Variants in GVQW3 observed in about 807,000 individuals in gnomAD.
The protein encoded by GVQW3 is GVQW motif containing 3.
Under a neutral mutation model 12.5 loss-of-function variants are expected in GVQW3, and 7 were observed. The observed-to-expected ratio is 0.56, with a 90% CI of 0.32 to 1.05. The LOEUF (loss-of-function observed/expected upper bound fraction) is 1.05, where lower values mean the gene tolerates loss of function less well. Ranked by LOEUF, GVQW3 falls within the 50% of genes least tolerant of loss-of-function variation. The pLI, the probability that GVQW3 is intolerant of heterozygous loss-of-function variation, is 0.04. For missense variants in GVQW3, 188 were observed against 190.8 expected (o/e 0.99, Z 0.09); for synonymous variants, 71 against 67.2 (o/e 1.06, Z -0.28).
Position 76,404,338 on chromosome 11 carries a change from T to C in GVQW3, c.*580T>C, listed in dbSNP as rs1227461880. ...ATAGAACTTTAAGTGCGGAAATAGG[T>C]TTTGTGTTCAATCTGCTTCTCTATA... On this transcript the variant is annotated 3_prime_UTR_variant, in exon 2 of 2. Coordinates refer to ENST00000529331, the MANE Select transcript of GVQW3 (RefSeq NM_001347885.2). The C allele has an allele frequency of 4.6e-6, 1 of 217,470 alleles. No homozygotes were observed. The highest frequency in any genetic ancestry group is 9.0e-6 in the Non-Finnish European group (1 of 111,338). 13.5% of individuals were successfully genotyped at this position (217,470 alleles called of 1,614,324 possible).
Position 76,382,293 on chromosome 11 carries a change from G to A in GVQW3, c.465G>A (p.Lys155=), listed in dbSNP as rs1366996950. Residue 155 remains lysine, a splice_region_variant and synonymous_variant, in exon 1 of 2, where the codon AAG becomes AAA. Coordinates refer to ENST00000529331, the MANE Select transcript of GVQW3 (RefSeq NM_001347885.2). The stretch of plus-strand genomic sequence containing the variant: ...AAAATAGCTCATGTTTGAGGAAAAA[G>A]GTAACAGGTTCTGAAACATGGAGTT... ...TRKNSSCLRK[K]RRNLTMLPRL... 2 of 1,499,928 alleles carry A rather than the reference G, an allele frequency of 1.3e-6. No homozygotes were observed. Among genetic ancestry groups the A allele is most frequent in the Non-Finnish European group, 1.8e-6 (2 of 1,114,240 alleles). The allele number at this position is 1,499,928 out of a possible 1,614,324, so 92.9% of individuals were successfully genotyped here.
At chr11:76,384,239 T>C (rs148188238) in intron 1 of GVQW3, among the ~76,000 whole-genome samples, 47 of 152,372 alleles carry the variant, frequency 3.1e-4, no homozygotes, top group African/African-American at 1.1e-3. Context: ...ACAACACTCA[T>C]TCATCACAGT....
chr11:76,385,448 C>T (rs561998343), intron 1 of GVQW3, among the ~76,000 whole-genome samples: 4 of 152,318 alleles, frequency 2.6e-5, no homozygotes, highest in African/African-American at 9.6e-5. Context: ...TCCGTCACAC[C>T]CCAGGCTCTT....
rs372467371 is a variant in GVQW3, at chr11:76,406,679, AAAAG to A, written c.*2925_*2928del. ...TGCTTTGCAGCCAATTTTCAAATAAAAAAGAAATGTTTAAAGCAGTGGAAGCACT... is the reference window on the plus strand; with the variant it reads ...TGCTTTGCAGCCAATTTTCAAATAAAAAATGTTTAAAGCAGTGGAAGCACT... On this transcript the variant is annotated 3_prime_UTR_variant, in exon 2 of 2. Coordinates refer to ENST00000529331, the MANE Select transcript of GVQW3 (RefSeq NM_001347885.2). The A allele has an allele frequency of 5.3e-5, 8 of 152,240 alleles. No individual in the cohort carries two copies. The highest frequency in any genetic ancestry group is 1.9e-4 in the African/African-American group (8 of 41,454). 9.4% of individuals were successfully genotyped at this position (152,240 alleles called of 1,614,324 possible).
chr11:76,403,351 T>A (rs1947009373), intron 1 of GVQW3, among the ~76,000 whole-genome samples: 1 of 152,208 alleles, frequency 6.6e-6, no homozygotes, highest in Non-Finnish European at 1.5e-5. Context: ...TTTATTGTGA[T>A]TATGGAGGCT....
Position 76,404,095 on chromosome 11 carries a change from A to G in GVQW3, c.*337A>G, listed in dbSNP as rs924098042. On this transcript the variant is annotated 3_prime_UTR_variant, in exon 2 of 2. Transcript: ENST00000529331. ...TGATCCAGTCAAGTGAACATATAAAATTGGCTGTCACATCTCCATTTTGTT... is the reference window on the plus strand; with the variant it reads ...TGATCCAGTCAAGTGAACATATAAAGTTGGCTGTCACATCTCCATTTTGTT... The G allele has an allele frequency of 2.2e-6, 1 of 462,672 alleles. No individual in the cohort carries two copies. Among genetic ancestry groups the G allele is most frequent in the Non-Finnish European group, 3.9e-6 (1 of 258,370 alleles). The allele number at this position is 462,672 out of a possible 1,614,324, so 28.7% of individuals were successfully genotyped here. A position where few individuals can be genotyped will look rare whatever the true frequency, so the allele number is the denominator to read the frequency against.
At chr11:76,409,763 G>A (rs1329323967), downstream of GVQW3, among the ~76,000 whole-genome samples, 2 of 152,186 alleles carry the variant, frequency 1.3e-5, no homozygotes, top group Non-Finnish European at 2.9e-5. Context: ...CTGGCACAGA[G>A]TCTGTGATCA....
rs957443381 is a variant in GVQW3 at position 76,404,920 on chromosome 11, G to A, written c.*1162G>A. 2.6e-5 allele frequency: 4 copies of A among 152,202 alleles called. No individual in the cohort carries two copies. The highest frequency in any genetic ancestry group is 9.6e-5 in the African/African-American group (4 of 41,452). 9.4% of individuals were successfully genotyped at this position (152,202 alleles called of 1,614,324 possible). On this transcript the variant is annotated 3_prime_UTR_variant, in exon 2 of 2. Transcript: ENST00000529331. ...GGCATTTCAAGTCTCTATAGGTTGG[G>A]GACTTTAATGAGTGTAAATAGCTAC...
At chr11:76,396,748 T>C (rs1008606723) in intron 1 of GVQW3, among the ~76,000 whole-genome samples, 1 of 152,208 alleles carries the variant, frequency 6.6e-6, no homozygotes, top group African/African-American at 2.4e-5. Flanking sequence ...TTTACAAAAT[T>C]GTAGAACCAT....
At chr11:76,387,419 C>T (rs2134540246) in intron 1 of GVQW3, among the ~76,000 whole-genome samples, 1 of 152,120 alleles carries the variant, frequency 6.6e-6, no homozygotes, top group African/African-American at 2.4e-5. Flanking sequence ...CAGAGGGAGA[C>T]TCCATCTCAA....
exon 2 of GVQW3, chr11:76,414,075 T>C (rs1317630717): frequency 6.6e-6 from 1 of 152,142 alleles, no homozygotes; most frequent in Non-Finnish European, 1.5e-5. Context: ...GTCACAAACT[T>C]CTGTCTCTGC....
At chr11:76,399,636 G>A (rs993992683) in intron 1 of GVQW3, among the ~76,000 whole-genome samples, 1 of 152,150 alleles carries the variant, frequency 6.6e-6, no homozygotes, top group African/African-American at 2.4e-5. Flanking sequence ...AAAGCAGACT[G>A]CCCTTTCTAA....
intron 1 of GVQW3, among the ~76,000 whole-genome samples, chr11:76,400,469 G>T (rs1442686154): frequency 1.3e-5 from 2 of 151,722 alleles, no homozygotes; most frequent in African/African-American, 4.8e-5. Context: ...CGCCCAGGCT[G>T]GAGTGCAATG....
chr11:76,397,459 G>T (rs911823168), intron 1 of GVQW3, among the ~76,000 whole-genome samples: 1 of 152,182 alleles, frequency 6.6e-6, no homozygotes, highest in Non-Finnish European at 1.5e-5. Context: ...GTGAACATAC[G>T]TTTTTAATTC....
chr11:76,401,805 G>T (rs983257752), intron 1 of GVQW3, among the ~76,000 whole-genome samples: 43 of 146,778 alleles, frequency 2.9e-4, no homozygotes, highest in Non-Finnish European at 5.7e-4. Flanking sequence ...AGAAAGAAAA[G>T]AAAAGAAAGA....
chr11:76,388,784 T>C (rs970378051), intron 1 of GVQW3, among the ~76,000 whole-genome samples: 1 of 152,178 alleles, frequency 6.6e-6, no homozygotes, highest in Middle Eastern at 3.2e-3. Flanking sequence ...CACATGCCTT[T>C]GTGCTCTGGT....
chr11:76,401,040 TA>T (rs1043489629), intron 1 of GVQW3, among the ~76,000 whole-genome samples: 5 of 136,960 alleles, frequency 3.7e-5, no homozygotes, highest in South Asian at 4.8e-4. Context: ...TATATATATA[TA>T]TTTTTTCTCT....
chr11:76,390,682 C>T (rs1221877001), intron 1 of GVQW3, among the ~76,000 whole-genome samples: 1 of 152,138 alleles, frequency 6.6e-6, no homozygotes, highest in African/African-American at 2.4e-5. Context: ...AAAAAATTAG[C>T]CGGGCGCGGT....
At chr11:76,390,675 A>T (rs1284781666) in intron 1 of GVQW3, among the ~76,000 whole-genome samples, 4 of 152,080 alleles carry the variant, frequency 2.6e-5, no homozygotes, top group Non-Finnish European at 5.9e-5. Context: ...AATACGAAAA[A>T]AATTAGCCGG....
Sources: allele counts gnomAD v4.1 joint callset (sites outside exome capture counted in the v4.1 genomes callset), GRCh38; gene constraint gnomAD v4.1.1; transcripts MANE v1.5; gene names NCBI Gene and HGNC (gene_info 2026-07-23, HGNC 2026-07-21).